The following VPS13B variants were observed in gnomAD, a reference collection of about 807,000 sequenced individuals.
The protein encoded by VPS13B is vacuolar protein sorting 13 homolog B, also known as intermembrane lipid transfer protein VPS13B.
In VPS13B, 285 loss-of-function variants were observed where a neutral mutation model predicts 426.4. The ratio of observed to expected loss-of-function variants is 0.67; its 90% CI spans 0.61 to 0.74. The LOEUF (loss-of-function observed/expected upper bound fraction) is 0.74. VPS13B is among the 30% of genes least tolerant of loss of function. The probability of loss-of-function intolerance (pLI) is 0.00; values close to 1 mark genes in which losing one functional copy is unlikely to be tolerated. For synonymous variants in VPS13B, 1,676 were observed against 1,676.4 expected (o/e 1.00, Z 0.01); for missense variants, 4,537 against 4,782.6 (o/e 0.95, Z 1.51).
intron 19 of VPS13B, among the ~76,000 whole-genome samples, chr8:99,365,970 TG>T (rs1413156481): frequency 1.3e-5 from 2 of 151,472 alleles, no homozygotes; most frequent in Non-Finnish European, 3.0e-5. Flanking sequence ...GGTTTTTTGT[TG>T]TTTTTTTTTT....
chr8:99,504,167 C>T (rs1433071295), intron 27 of VPS13B, among the ~76,000 whole-genome samples: 1 of 152,112 alleles, frequency 6.6e-6, no homozygotes, highest in African/African-American at 2.4e-5. Context: ...TTAAAAAGAG[C>T]ATAGCATCTC....
In VPS13B at chr8:99,865,433, T is replaced by C. The variant is rs754082640; in HGVS notation, c.11216-2856T>C. 6.8e-4 allele frequency among the ~76,000 whole-genome samples: 103 copies of C among 152,282 alleles called. 1 individual carries two copies. Among genetic ancestry groups the C allele is most frequent in the Middle Eastern group, 6.8e-3 (2 of 294 alleles). On this transcript the variant is annotated intron_variant, in intron 58 of 61. Transcript: ENST00000357162. ...GCTGGATTCCCCAGAGACCACCTCC[T>C]CTCTCTTCATGGGCACTCTTGGCTA...
intron 35 of VPS13B, among the ~76,000 whole-genome samples, chr8:99,699,008 G>C (rs1832151679): frequency 6.6e-6 from 1 of 151,854 alleles, no homozygotes; most frequent in Admixed American, 6.6e-5. Flanking sequence ...TTTGCAACAG[G>C]TCATAAGGGG....
intron 33 of VPS13B, among the ~76,000 whole-genome samples, chr8:99,597,050 C>A (rs1010764810): frequency 6.6e-6 from 1 of 152,030 alleles, no homozygotes. Context: ...TGTTAGCTTG[C>A]AAATTGTTCA....
intron 39 of VPS13B, 91 bp downstream of exon 39, chr8:99,721,138 T>C: frequency 7.7e-7 from 1 of 1,301,850 alleles, no homozygotes; most frequent in Non-Finnish European, 1.1e-6. Flanking sequence ...ACTTACTTCT[T>C]ACATTAATAG....
intron 54 of VPS13B, among the ~76,000 whole-genome samples, chr8:99,841,635 G>A (rs562807282): frequency 5.3e-5 from 8 of 152,224 alleles, no homozygotes; most frequent in Non-Finnish European, 1.0e-4. Flanking sequence ...TCAAACCTGG[G>A]ACTGTGTGGT....
In VPS13B at chr8:99,163,287, A is replaced by G. The variant is rs539278075; in HGVS notation, c.2208+6544A>G. Among the ~76,000 whole-genome samples, 213 of 152,356 alleles carry G rather than the reference A, an allele frequency of 1.4e-3. 1 individual carries two copies. Among genetic ancestry groups the G allele is most frequent in the African/African-American group, 5.0e-3 (208 of 41,586 alleles). ...TGTATTTACAATCCCTGAGCTAGAT[A>G]TAAAGACTCTCCACATCCCCACCAG... On this transcript the variant is annotated intron_variant, in intron 15 of 61. Transcript: ENST00000357162.
chr8:99,202,286 T>G lies in VPS13B; in HGVS notation c.2515+9229T>G, dbSNP rs570268693. Among the ~76,000 whole-genome samples, 7 of 152,272 alleles carry G rather than the reference T, an allele frequency of 4.6e-5. No homozygotes were observed. In the East Asian group the frequency reaches 1.4e-3, roughly 29 times the overall value. On this transcript the variant is annotated intron_variant, in intron 17 of 61. Coordinates refer to ENST00000357162, the MANE Select transcript of VPS13B (RefSeq NM_152564.5). ...GTTAGGTCTGGTTGTTTGAACTTAG[T>G]GAAGAAAGTGTACATTTGTGCCCTG...
intron 2 of VPS13B, among the ~76,000 whole-genome samples, chr8:99,029,127 C>A (rs1396210163): frequency 6.6e-6 from 1 of 150,798 alleles, no homozygotes; most frequent in Non-Finnish European, 1.5e-5. Context: ...AGGCGCTCCT[C>A]ACATCCCAGA....
intron 17 of VPS13B, among the ~76,000 whole-genome samples, chr8:99,273,159 G>GTTT (rs757322206): frequency 3.9e-5 from 5 of 129,454 alleles, no homozygotes; most frequent in Admixed American, 7.8e-5. Flanking sequence ...TACTCAGGTA[G>GTTT]TTTTTTTTTT....
At chr8:99,363,805 G>A (rs189602559) in intron 19 of VPS13B, among the ~76,000 whole-genome samples, 1 of 152,174 alleles carries the variant, frequency 6.6e-6, no homozygotes, top group African/African-American at 2.4e-5. Context: ...ACTGATTTTT[G>A]TATGTTGATT....
intron 39 of VPS13B, among the ~76,000 whole-genome samples, chr8:99,749,832 A>T (rs547310196): frequency 9.2e-5 from 14 of 152,130 alleles, no homozygotes; most frequent in Admixed American, 2.6e-4. Flanking sequence ...TCTCCATAGT[A>T]GTTGTACTAA....
intron 19 of VPS13B, among the ~76,000 whole-genome samples, chr8:99,351,381 C>A (rs557292445): frequency 1.3e-5 from 2 of 151,486 alleles, no homozygotes; most frequent in African/African-American, 4.9e-5. Flanking sequence ...ACCTTCTTGA[C>A]CAGTTTATAT....
At chr8:99,498,593 A>C (rs1261091971) in intron 25 of VPS13B, among the ~76,000 whole-genome samples, 3 of 152,170 alleles carry the variant, frequency 2.0e-5, no homozygotes, top group Admixed American at 1.3e-4. Context: ...AACACATTCT[A>C]ACAATTGTTT....
At chr8:99,221,307 A>C (rs1374977623) in intron 17 of VPS13B, among the ~76,000 whole-genome samples, 1 of 151,452 alleles carries the variant, frequency 6.6e-6, no homozygotes, top group Non-Finnish European at 1.5e-5. Flanking sequence ...TATACCCAGT[A>C]ATGGGATGGC....
chr8:99,748,539 G>A (rs1810210754), intron 39 of VPS13B, among the ~76,000 whole-genome samples: 1 of 151,974 alleles, frequency 6.6e-6, no homozygotes, highest in African/African-American at 2.4e-5. Context: ...TATGTATAAG[G>A]TTAAGAGTGA....
intron 33 of VPS13B, among the ~76,000 whole-genome samples, chr8:99,578,240 A>G (rs753688072): frequency 8.5e-5 from 13 of 152,300 alleles, no homozygotes; most frequent in Non-Finnish European, 1.3e-4. Context: ...ACATTTCTCT[A>G]ACATTCTGTA....
At chr8:99,749,657 G>A (rs970780173) in intron 39 of VPS13B, among the ~76,000 whole-genome samples, 2 of 151,966 alleles carry the variant, frequency 1.3e-5, no homozygotes, top group Admixed American at 6.6e-5. Context: ...GGACACTTGG[G>A]TTGCTTCCAA....
intron 6 of VPS13B, among the ~76,000 whole-genome samples, chr8:99,113,031 C>G (rs978102521): frequency 1.3e-5 from 2 of 151,294 alleles, no homozygotes; most frequent in Non-Finnish European, 3.0e-5. Flanking sequence ...TTTCTCCCCT[C>G]CTCTCCCTCT....
Sources: gnomAD v4.1 joint callset for allele counts (sites outside exome capture counted in the v4.1 genomes callset) on GRCh38, gnomAD v4.1.1 for gene constraint, MANE v1.5 for transcripts, NCBI Gene and HGNC (gene_info 2026-07-23, HGNC 2026-07-21) for gene names.